Variants in CDH6 observed in about 807,000 individuals in gnomAD.
CDH6 encodes cadherin-6.
CDH6 carries 31 observed loss-of-function variants against 78.0 expected under a neutral mutation model. The ratio of observed to expected loss-of-function variants is 0.40; its 90% CI spans 0.30 to 0.54. The LOEUF is 0.54. Ranked by LOEUF, CDH6 falls within the 20% of genes least tolerant of loss-of-function variation. The probability of loss-of-function intolerance (pLI) is 0.56; values close to 1 mark genes in which losing one functional copy is unlikely to be tolerated. For synonymous variants in CDH6, 376 were observed against 368.8 expected (o/e 1.02, Z -0.23); for missense variants, 724 against 975.9 (o/e 0.74, Z 3.44).
intron 1 of CDH6, among the ~76,000 whole-genome samples, chr5:31,228,067 A>G (rs995293385): frequency 1.3e-5 from 2 of 152,092 alleles, no homozygotes; most frequent in Non-Finnish European, 2.9e-5. Flanking sequence ...CAGCTTCCAG[A>G]GGTCACCTGT....
Position 31,323,610 on chromosome 5 carries a change from G to C in CDH6, c.*302G>C. On this transcript the variant is annotated 3_prime_UTR_variant, in exon 12 of 12. Coordinates refer to ENST00000265071, the MANE Select transcript of CDH6 (RefSeq NM_004932.4). ...TCAGGGCAGCGTGCCCGCTTCCGCT[G>C]TCCTGGTGTTTTACTACACTCCATG... 2.7e-6 allele frequency: 1 copy of C among 368,274 alleles called. No individual in the cohort carries two copies. Among genetic ancestry groups the C allele is most frequent in the Non-Finnish European group, 5.0e-6 (1 of 200,844 alleles). The allele number at this position is 368,274 out of a possible 1,614,324, so 22.8% of individuals were successfully genotyped here.
chr5:31,261,084 C>G (rs561292609), intron 1 of CDH6, among the ~76,000 whole-genome samples: 1 of 152,180 alleles, frequency 6.6e-6, no homozygotes, highest in African/African-American at 2.4e-5. Flanking sequence ...GAATAAATAC[C>G]ATATTTTTTT....
At chr5:31,223,142 C>T (rs954682376) in intron 1 of CDH6, among the ~76,000 whole-genome samples, 8 of 152,056 alleles carry the variant, frequency 5.3e-5, no homozygotes. Flanking sequence ...TCCCTGTTGA[C>T]TTATGTACAA....
chr5:31,195,633 A>G (rs1224352334), intron 1 of CDH6, among the ~76,000 whole-genome samples: 1 of 152,228 alleles, frequency 6.6e-6, no homozygotes, highest in Admixed American at 6.5e-5. Context: ...AGATGTCTTC[A>G]TTATGTCATA....
chr5:31,324,338 A>G lies in CDH6; in HGVS notation c.*1030A>G, dbSNP rs1738563270. 4.7e-6 allele frequency: 1 copy of G among 213,674 alleles called. No homozygotes were observed. Among genetic ancestry groups the G allele is most frequent in the South Asian group, 1.9e-4 (1 of 5,346 alleles). 13.2% of individuals were successfully genotyped at this position (213,674 alleles called of 1,614,324 possible). A position where few individuals can be genotyped will look rare whatever the true frequency, so the allele number is the denominator to read the frequency against. ...AATTAGTAAAGTTAGATTAAATAAAACTTAAATCTCACTCTAGGAGTTCAG... is the reference window on the plus strand; with the variant it reads ...AATTAGTAAAGTTAGATTAAATAAAGCTTAAATCTCACTCTAGGAGTTCAG... On this transcript the variant is annotated 3_prime_UTR_variant, in exon 12 of 12. Coordinates refer to ENST00000265071, the MANE Select transcript of CDH6 (RefSeq NM_004932.4).
At chr5:31,302,069 G>C (rs200714015) in intron 5 of CDH6, 42 bp from the exon 6 acceptor site, 7 of 1,356,828 alleles carry the variant, frequency 5.2e-6, no homozygotes. Flanking sequence ...ATAAGAGTGT[G>C]GTTAGTCTAT....
intron 9 of CDH6, 116 bp downstream of exon 9, chr5:31,316,445 C>T: frequency 1.2e-6 from 1 of 851,154 alleles, no homozygotes; most frequent in Non-Finnish European, 1.8e-6. Context: ...GAAGTGAATG[C>T]TACGGAAATT....
chr5:31,197,127 T>C (rs745312923), intron 1 of CDH6, among the ~76,000 whole-genome samples: 31 of 152,238 alleles, frequency 2.0e-4, no homozygotes, highest in Non-Finnish European at 3.7e-4. Flanking sequence ...GCTGTTTAGA[T>C]ACCTGTGTCA....
At chr5:31,242,340 G>A (rs938422096) in intron 1 of CDH6, among the ~76,000 whole-genome samples, 22 of 152,158 alleles carry the variant, frequency 1.4e-4, no homozygotes, top group Non-Finnish European at 1.0e-4. Flanking sequence ...CTAGATCAGA[G>A]CATCCCATGG....
intron 2 of CDH6, among the ~76,000 whole-genome samples, chr5:31,271,287 G>A (rs1742522628): frequency 6.6e-6 from 1 of 152,138 alleles, no homozygotes; most frequent in Non-Finnish European, 1.5e-5. Context: ...TTCAGGTGTA[G>A]AAGGGAGGAA....
At chr5:31,308,772 G>A (rs1310085138) in intron 7 of CDH6, among the ~76,000 whole-genome samples, 1 of 151,940 alleles carries the variant, frequency 6.6e-6, no homozygotes, top group African/African-American at 2.4e-5. Flanking sequence ...TTTATGTCAA[G>A]GTTTGATAGG....
chr5:31,296,989 A>C (rs946521766), intron 3 of CDH6, among the ~76,000 whole-genome samples: 5 of 152,172 alleles, frequency 3.3e-5, no homozygotes, highest in Admixed American at 6.5e-5. Context: ...GGATAACTCG[A>C]AAGAATCACT....
In CDH6 at chr5:31,329,046, T is replaced by A. The variant is rs190056021; in HGVS notation, c.*5738T>A. On this transcript the variant is annotated 3_prime_UTR_variant, in exon 12 of 12. Coordinates refer to ENST00000265071, the MANE Select transcript of CDH6 (RefSeq NM_004932.4). ...TTATAAATTTGAAAAGAATGCAATT[T>A]AAAAAGTGATTTCTCACAAAGAGTA... 5.4e-4 allele frequency: 115 copies of A among 211,188 alleles called. No homozygotes were observed. Among genetic ancestry groups the A allele is most frequent in the Non-Finnish European group, 8.8e-4 (92 of 104,214 alleles). The allele number at this position is 211,188 out of a possible 1,614,324, so 13.1% of individuals were successfully genotyped here.
At chr5:31,225,289 T>C (rs1741120193) in intron 1 of CDH6, among the ~76,000 whole-genome samples, 1 of 152,238 alleles carries the variant, frequency 6.6e-6, no homozygotes, top group Non-Finnish European at 1.5e-5. Flanking sequence ...CGCAGAGGGC[T>C]GACATCATCC....
chr5:31,249,587 G>C (rs374544303), intron 1 of CDH6: 4 of 152,326 alleles, frequency 2.6e-5, no homozygotes, highest in African/African-American at 9.6e-5. Context: ...CAAAACCAGA[G>C]AGCCTGGGAT....
In CDH6 at chr5:31,313,332, G is replaced by A; in HGVS notation, c.1268G>A (p.Arg423Gln). The part of the protein sequence containing the change: ...ARNPVKYSVD[R>Q]HTDMDRIFNI... ...TGCATTTTCAGGTACTCTGTAGATCGACACACAGATATGGACAGAATATTC... is the reference window on the plus strand; with the variant it reads ...TGCATTTTCAGGTACTCTGTAGATCAACACACAGATATGGACAGAATATTC... The change falls in exon 8 of 12, where the codon CGA becomes CAA. Residue 423 changes from arginine (R) to glutamine (Q), a missense_variant. Arg to Gln is a conservative substitution (Grantham distance 43, BLOSUM62 1). Around this residue, in one of 3 missense-constraint regions of CDH6, gnomAD observed 446 missense variants for 684.5 expected, o/e 0.65. Coordinates refer to ENST00000265071, the MANE Select transcript of CDH6 (RefSeq NM_004932.4). The A allele has an allele frequency of 1.2e-6, 2 of 1,612,646 alleles. No homozygotes were observed. The highest frequency in any genetic ancestry group is 8.5e-7 in the Non-Finnish European group (1 of 1,178,978).
intron 2 of CDH6, among the ~76,000 whole-genome samples, chr5:31,287,259 G>A (rs1561058461): frequency 6.6e-6 from 1 of 152,160 alleles, no homozygotes; most frequent in Non-Finnish European, 1.5e-5. Flanking sequence ...ATAAGGGGCA[G>A]ATAGAGGAGG....
At chr5:31,235,093 A>T (rs999868057) in intron 1 of CDH6, among the ~76,000 whole-genome samples, 2 of 152,166 alleles carry the variant, frequency 1.3e-5, no homozygotes, top group African/African-American at 4.8e-5. Flanking sequence ...GTTGCCAAAT[A>T]TCCAGCTGAG....
At chr5:31,270,275 A>G (rs1340619647) in intron 2 of CDH6, among the ~76,000 whole-genome samples, 4 of 152,354 alleles carry the variant, frequency 2.6e-5, no homozygotes, top group Non-Finnish European at 4.4e-5. Context: ...CTTAGGCTCA[A>G]AGAAATACCT....
Sources: allele counts gnomAD v4.1 joint callset (sites outside exome capture counted in the v4.1 genomes callset), GRCh38; gene constraint gnomAD v4.1.1; regional missense constraint gnomAD v4.1.1; transcripts MANE v1.5; gene names NCBI Gene and HGNC (gene_info 2026-07-23, HGNC 2026-07-21).